Variants in ARHGAP15 observed in about 807,000 individuals in gnomAD.
ARHGAP15 encodes the protein rho GTPase-activating protein 15.
A neutral mutation model predicts 63.7 loss-of-function variants in ARHGAP15; 51 were observed. The observed-to-expected ratio is 0.80, with a 90% confidence interval of 0.64 to 1.01. The LOEUF (loss-of-function observed/expected upper bound fraction) is 1.01. Among genes scored for constraint, ARHGAP15 ranks in the 50% least tolerant of loss-of-function variants. The pLI is 0.00. For synonymous variants in ARHGAP15, 191 were observed against 193.8 expected (o/e 0.99, Z 0.12); for missense variants, 560 against 564.6 (o/e 0.99, Z 0.08).
At chr2:143,585,893 A>G (rs1697090303) in intron 11 of ARHGAP15, among the ~76,000 whole-genome samples, 1 of 152,116 alleles carries the variant, frequency 6.6e-6, no homozygotes, top group African/African-American at 2.4e-5. Flanking sequence ...TTTTCTCTGT[A>G]AGGGAAAGTG....
At chr2:143,355,865 A>G (rs1685787527) in intron 6 of ARHGAP15, among the ~76,000 whole-genome samples, 1 of 152,196 alleles carries the variant, frequency 6.6e-6, no homozygotes, top group Non-Finnish European at 1.5e-5. Context: ...GATGAAGAAG[A>G]GATACAAACT....
At chr2:143,413,958 T>TGCGC (rs1371670453) in intron 6 of ARHGAP15, among the ~76,000 whole-genome samples, 3 of 70,276 alleles carry the variant, frequency 4.3e-5, no homozygotes, top group South Asian at 5.7e-4. Context: ...TGTGTGTGTG[T>TGCGC]GTGTGTGTGC....
At chr2:143,673,104 A>G (rs1682610699) in intron 12 of ARHGAP15, among the ~76,000 whole-genome samples, 1 of 152,208 alleles carries the variant, frequency 6.6e-6, no homozygotes, top group Non-Finnish European at 1.5e-5. Flanking sequence ...TTGATGCTAC[A>G]GCATGGGGAA....
chr2:143,696,293 A>G (rs1318482113), intron 12 of ARHGAP15, among the ~76,000 whole-genome samples: 1 of 151,872 alleles, frequency 6.6e-6, no homozygotes, highest in African/African-American at 2.4e-5. Flanking sequence ...ATGAAAAGAT[A>G]GCAACCAACT....
chr2:143,479,289 G>A (rs1691965087), intron 8 of ARHGAP15, among the ~76,000 whole-genome samples: 1 of 151,190 alleles, frequency 6.6e-6, no homozygotes, highest in South Asian at 2.1e-4. Context: ...GTAGAAGGCA[G>A]AGGCTATCAC....
At position 143,339,508 on chromosome 2, in the gene ARHGAP15, C is replaced by T. The variant is rs535038438; in HGVS notation, c.474+88908C>T. Among the ~76,000 whole-genome samples the T allele has an allele frequency of 3.9e-5, 6 of 152,162 alleles. No homozygotes were observed. The East Asian group carries it at 9.7e-4, about 25-fold the overall frequency. Reference sequence around the variant, plus strand: ...TCAAGCAAACCTACAAAAAGAGATGCTGTGACTATGAAGACAGATTATGTT... The same window carrying T: ...TCAAGCAAACCTACAAAAAGAGATGTTGTGACTATGAAGACAGATTATGTT... On this transcript the variant is annotated intron_variant, in intron 6 of 13. Coordinates refer to ENST00000295095, the MANE Select transcript of ARHGAP15 (RefSeq NM_018460.4).
chr2:143,722,601 G>A (rs1162908288), intron 13 of ARHGAP15, among the ~76,000 whole-genome samples: 2 of 152,196 alleles, frequency 1.3e-5, no homozygotes, highest in Non-Finnish European at 2.9e-5. Context: ...AACAGGAAGG[G>A]AACAAAACAC....
At chr2:143,379,508 T>C (rs1229178145) in intron 6 of ARHGAP15, among the ~76,000 whole-genome samples, 1 of 150,892 alleles carries the variant, frequency 6.6e-6, no homozygotes, top group Admixed American at 6.6e-5. Flanking sequence ...TGTGTGTGTG[T>C]GTGTGTGTGT....
chr2:143,506,819 A>T (rs2104947397), intron 9 of ARHGAP15, among the ~76,000 whole-genome samples: 1 of 152,328 alleles, frequency 6.6e-6, no homozygotes, highest in South Asian at 2.1e-4. Context: ...GTGAGAAAAT[A>T]TTAGACTAAT....
intron 12 of ARHGAP15, among the ~76,000 whole-genome samples, chr2:143,667,482 AGTGGGT>A (rs1682273814): frequency 6.7e-6 from 1 of 149,284 alleles, no homozygotes; most frequent in Admixed American, 6.7e-5. Flanking sequence ...ATGACGAGTT[AGTGGGT>A]GCAGCGCACC....
At chr2:143,707,175 G>C (rs1328121639) in intron 13 of ARHGAP15, among the ~76,000 whole-genome samples, 1 of 152,154 alleles carries the variant, frequency 6.6e-6, no homozygotes, top group Non-Finnish European at 1.5e-5. Context: ...GGTAGAAAGA[G>C]GAGAGAACCC....
At chr2:143,505,464 T>C (rs10180461) in intron 9 of ARHGAP15, among the ~76,000 whole-genome samples, 45,254 of 152,078 alleles carry the variant, frequency 0.3, 7,621 homozygotes, top group Non-Finnish European at 0.38. Context: ...AACTGAAAAA[T>C]GAGAAACACA....
intron 12 of ARHGAP15, among the ~76,000 whole-genome samples, chr2:143,673,716 C>A: frequency 1.1e-5 from 1 of 87,688 alleles, no homozygotes; most frequent in African/African-American, 3.8e-5. Context: ...TGATAAAGGC[C>A]TTATATTGTG....
intron 5 of ARHGAP15, among the ~76,000 whole-genome samples, chr2:143,228,905 T>C (rs1211313098): frequency 6.6e-6 from 1 of 152,178 alleles, no homozygotes; most frequent in Non-Finnish European, 1.5e-5. Context: ...TGAGCAGCTA[T>C]GTAGTAATGC....
intron 6 of ARHGAP15, among the ~76,000 whole-genome samples, chr2:143,317,818 C>T (rs1322828097): frequency 6.6e-6 from 1 of 152,060 alleles, no homozygotes; most frequent in Non-Finnish European, 1.5e-5. Flanking sequence ...GATTGCTCAT[C>T]CGAAGCGGAA....
At chr2:143,538,811 T>C (rs1694902593) in intron 10 of ARHGAP15, among the ~76,000 whole-genome samples, 1 of 152,226 alleles carries the variant, frequency 6.6e-6, no homozygotes, top group African/African-American at 2.4e-5. Context: ...TTTGCACCAA[T>C]GTTCATCAAG....
chr2:143,338,079 G>T (rs1035507350), intron 6 of ARHGAP15, among the ~76,000 whole-genome samples: 2 of 152,062 alleles, frequency 1.3e-5, no homozygotes, highest in African/African-American at 4.8e-5. Flanking sequence ...ACTCTTATAT[G>T]TTCTATCTCA....
chr2:143,306,741 G>T (rs988351924), intron 6 of ARHGAP15, among the ~76,000 whole-genome samples: 1 of 152,084 alleles, frequency 6.6e-6, no homozygotes, highest in Non-Finnish European at 1.5e-5. Context: ...GTTTTCCTCA[G>T]TGGGAGCAGC....
rs2072972791 is a variant in ARHGAP15, at chr2:143,767,866, G to A, written c.1245-123G>A. On this transcript the variant is annotated intron_variant, in intron 13 of 13. Transcript: ENST00000295095. ...ATACAGTAAAGTATGTAGGGTAGAA[G>A]ATTAAATAATGTTATAATGCAGTTA... The A allele has an allele frequency of 4.3e-6, 4 of 927,732 alleles. No homozygotes were observed. In the East Asian group the frequency reaches 9.7e-5, roughly 23 times the overall value. The allele number at this position is 927,732 out of a possible 1,614,324, so 57.5% of individuals were successfully genotyped here. A position where few individuals can be genotyped will look rare whatever the true frequency, so the allele number is the denominator to read the frequency against.
Sources: gnomAD v4.1 joint callset for allele counts (sites outside exome capture counted in the v4.1 genomes callset) on GRCh38, gnomAD v4.1.1 for gene constraint, MANE v1.5 for transcripts, NCBI Gene and HGNC (gene_info 2026-07-23, HGNC 2026-07-21) for gene names.